PMM2: variants seen among roughly 807,000 people sequenced by gnomAD.
PMM2 encodes the protein phosphomannomutase 2, also known as mannose-6-phosphate isomerase.
In PMM2, 35 loss-of-function variants were observed where a neutral mutation model predicts 33.2. The ratio of observed to expected loss-of-function variants is 1.06; its 90% CI spans 0.81 to 1.40. The LOEUF (loss-of-function observed/expected upper bound fraction) is 1.40, where lower values mean the gene tolerates loss of function less well. PMM2 is among the 40% of genes most tolerant of loss of function. The pLI is 0.00. For missense variants in PMM2, 386 were observed against 306.0 expected, an observed-to-expected ratio of 1.26 and a Z score of -1.95; for synonymous variants, 153 against 114.7, an observed-to-expected ratio of 1.33 and a Z score of -2.13.
intron 2 of PMM2, among the ~76,000 whole-genome samples, chr16:8,804,462 A>G (rs755394142): frequency 1.3e-5 from 2 of 152,178 alleles, no homozygotes; most frequent in African/African-American, 4.8e-5. Context: ...CTGGTGAACC[A>G]TCAGCATCAT....
At chr16:8,811,030 A>T in intron 4 of PMM2, 49 bp from the exon 5 acceptor site, 1 of 1,117,898 alleles carries the variant, frequency 8.9e-7, no homozygotes, top group Non-Finnish European at 1.3e-6. Context: ...TATGTTGCCC[A>T]AATGAATAAC....
intron 7 of PMM2, among the ~76,000 whole-genome samples, chr16:8,845,689 C>CT (rs1236308120): frequency 3.3e-5 from 5 of 152,028 alleles, no homozygotes; most frequent in African/African-American, 4.8e-5. Flanking sequence ...AGTGATTCTC[C>CT]TGCCAAGCAG....
intron 1 of PMM2, 104 bp downstream of exon 1, chr16:8,798,052 C>T: frequency 9.4e-7 from 1 of 1,059,138 alleles, no homozygotes; most frequent in African/African-American, 1.6e-5. Flanking sequence ...TGGCTAAGGA[C>T]CGCCTACGTC....
Position 8,849,168 on chromosome 16 carries a change from C to A in PMM2, c.*1343C>A, listed in dbSNP as rs1273487879. ...CCTCCAAACCTCCCAGCCACTCGGG[C>A]TTGTAACTGTCTGAGCCCCGGATCC... On this transcript the variant is annotated 3_prime_UTR_variant, in exon 8 of 8. Transcript: ENST00000268261. 6.6e-6 allele frequency: 1 copy of A among 152,290 alleles called. No homozygotes were observed. Among genetic ancestry groups the A allele is most frequent in the East Asian group, 1.9e-4 (1 of 5,186 alleles). 9.4% of individuals were successfully genotyped at this position (152,290 alleles called of 1,614,324 possible).
chr16:8,843,085 G>A (rs142598530), intron 7 of PMM2, among the ~76,000 whole-genome samples: 29,445 of 152,052 alleles, frequency 0.19, 3,030 homozygotes, highest in Middle Eastern at 0.28. Context: ...CTGGGCAGGT[G>A]GGGATAACTA....
chr16:8,815,943 C>T (rs528192742), intron 7 of PMM2, among the ~76,000 whole-genome samples: 1 of 151,974 alleles, frequency 6.6e-6, no homozygotes, highest in Admixed American at 6.6e-5. Flanking sequence ...ATAAGAAACT[C>T]CAACAACTCA....
At chr16:8,829,369 C>G (rs2060796952) in intron 7 of PMM2, 1 of 152,220 alleles carries the variant, frequency 6.6e-6, no homozygotes, top group Admixed American at 6.5e-5. Context: ...TCGCTGCACG[C>G]TAGCTGTGGG....
intron 7 of PMM2, among the ~76,000 whole-genome samples, chr16:8,827,786 A>T (rs1177764771): frequency 2.2e-5 from 2 of 91,054 alleles, no homozygotes; most frequent in South Asian, 6.5e-4. Context: ...ATATATATTT[A>T]TATATATTTA....
intron 1 of PMM2, among the ~76,000 whole-genome samples, chr16:8,799,037 A>G (rs1325719561): frequency 6.6e-6 from 1 of 152,208 alleles, no homozygotes; most frequent in Non-Finnish European, 1.5e-5. Context: ...AAAAGCCCAT[A>G]GTGGTCTAAA....
intron 1 of PMM2, among the ~76,000 whole-genome samples, chr16:8,800,880 C>T (rs1203424749): frequency 2.0e-5 from 3 of 152,148 alleles, no homozygotes; most frequent in Non-Finnish European, 4.4e-5. Flanking sequence ...GACAGGGTTT[C>T]GCCACGTTGG....
intron 7 of PMM2, among the ~76,000 whole-genome samples, chr16:8,830,070 G>A (rs903805924): frequency 2.6e-5 from 4 of 152,182 alleles, no homozygotes; most frequent in East Asian, 3.8e-4. Flanking sequence ...GTTACAGGAC[G>A]TCTCCCCAGG....
chr16:8,827,736 A>AAATGCACACATT (rs1567164598), intron 7 of PMM2, among the ~76,000 whole-genome samples: 10 of 28,808 alleles, frequency 3.5e-4, no homozygotes, highest in East Asian at 2.5e-3. Context: ...ATATATATAT[A>AAATGCACACATT]TATATATATA....
At chr16:8,809,013 G>C (rs1997381) in intron 4 of PMM2, 134,666 of 152,334 alleles carry the variant, frequency 0.88, 60,218 homozygotes, top group East Asian at 0.97. Flanking sequence ...TTGCTTCCCA[G>C]TTTACAAAGT....
chr16:8,809,267 A>G (rs2060664339), intron 4 of PMM2: 1 of 152,206 alleles, frequency 6.6e-6, no homozygotes, highest in Non-Finnish European at 1.5e-5. Context: ...AAATAGTAGA[A>G]AAAGATGAGG....
chr16:8,847,318 C>G (rs781770616), intron 7 of PMM2, among the ~76,000 whole-genome samples: 1 of 151,764 alleles, frequency 6.6e-6, no homozygotes, highest in Non-Finnish European at 1.5e-5. Flanking sequence ...CAGCCCTGCT[C>G]CCGGCCCTCT....
chr16:8,804,021 G>GTT lies in PMM2; in HGVS notation c.179-746_179-745insTT, dbSNP rs113764347. Among the ~76,000 whole-genome samples the GTT allele has an allele frequency of 5.6e-4, 41 of 72,620 alleles. 2 individuals carry two copies. The highest frequency in any genetic ancestry group is 1.9e-3 in the African/African-American group (39 of 20,578). 47.6% of individuals were successfully genotyped at this position (72,620 alleles called of 152,430 possible). On this transcript the variant is annotated intron_variant, in intron 2 of 7. Transcript: ENST00000268261. Reference sequence around the variant, plus strand: ...TTAGTGCTTTGTTTTTTGTTTTTTGGGTTTTTTTTGTTTTTTTTTTTTTTT... The same window carrying GTT: ...TTAGTGCTTTGTTTTTTGTTTTTTGGTTGTTTTTTTTGTTTTTTTTTTTTTTT...
At position 8,832,898 on chromosome 16, in the gene PMM2, G is replaced by A. The variant is rs977321902; in HGVS notation, c.640-14826G>A. 6 of 985,406 alleles carry A rather than the reference G, an allele frequency of 6.1e-6. No individual in the cohort carries two copies. The South Asian group carries it at 2.8e-4, about 46-fold the overall frequency. The allele number at this position is 985,406 out of a possible 1,614,324, so 61.0% of individuals were successfully genotyped here. On this transcript the variant is annotated intron_variant, in intron 7 of 7. Transcript: ENST00000268261. ...GATGCCAGGGTTCCCTCACCCTCCA[G>A]GCCTGGCAGCCCTTCCCTCCCTTTG...
At chr16:8,798,356 A>G (rs893469555) in intron 1 of PMM2, among the ~76,000 whole-genome samples, 1 of 152,330 alleles carries the variant, frequency 6.6e-6, no homozygotes, top group Non-Finnish European at 1.5e-5. Flanking sequence ...TTCCAGGTCA[A>G]ACCGACCTAG....
intron 3 of PMM2, 26 bp from the exon 4 acceptor site, chr16:8,806,290 G>A (rs372717526): frequency 6.9e-7 from 1 of 1,442,782 alleles, no homozygotes; most frequent in African/African-American, 1.4e-5. Flanking sequence ...GCTAAATCAA[G>A]TAACTCAAGT....
Sources: gnomAD v4.1 joint callset for allele counts (sites outside exome capture counted in the v4.1 genomes callset) on GRCh38, gnomAD v4.1.1 for gene constraint, MANE v1.5 for transcripts, NCBI Gene and HGNC (gene_info 2026-07-23, HGNC 2026-07-21) for gene names.